Variants in RAB22A observed in about 807,000 individuals in gnomAD.
RAB22A encodes ras-related protein Rab-22A.
RAB22A carries 13 observed loss-of-function variants against 30.2 expected under a neutral mutation model. The observed-to-expected ratio is 0.43, with a 90% CI of 0.28 to 0.68. The LOEUF (loss-of-function observed/expected upper bound fraction) is 0.68, where lower values mean the gene tolerates loss of function less well. Ranked by LOEUF, RAB22A falls within the 30% of genes least tolerant of loss-of-function variation. The probability of loss-of-function intolerance (pLI) is 0.18; values close to 1 mark genes in which losing one functional copy is unlikely to be tolerated. For synonymous variants in RAB22A, 89 were observed against 87.2 expected (o/e 1.02, Z -0.11); for missense variants, 177 against 246.8 (o/e 0.72, Z 1.89).
At chr20:58,352,113 T>G (rs780395014) in intron 3 of RAB22A, among the ~76,000 whole-genome samples, 2 of 152,188 alleles carry the variant, frequency 1.3e-5, no homozygotes, top group African/African-American at 2.4e-5. Context: ...TAGAACTGTT[T>G]GACATCTTAG....
intron 6 of RAB22A, among the ~76,000 whole-genome samples, chr20:58,355,942 G>A (rs114237120): frequency 0.025 from 3,862 of 152,304 alleles, 63 homozygotes; most frequent in African/African-American, 0.044. Context: ...AAGCTAAAAT[G>A]TCTAAGTGTG....
chr20:58,329,410 T>G (rs759798608), intron 2 of RAB22A, among the ~76,000 whole-genome samples: 15 of 152,202 alleles, frequency 9.9e-5, no homozygotes, highest in Non-Finnish European at 2.1e-4. Context: ...GTTTTTTCTT[T>G]CAGCACTTTA....
At chr20:58,347,329 C>A (rs1986967508) in intron 3 of RAB22A, among the ~76,000 whole-genome samples, 1 of 152,106 alleles carries the variant, frequency 6.6e-6, no homozygotes, top group Admixed American at 6.5e-5. Flanking sequence ...CTCAAATGTC[C>A]TGTGAAGCCC....
At chr20:58,313,374 G>A (rs1326949005) in intron 2 of RAB22A, among the ~76,000 whole-genome samples, 1 of 151,754 alleles carries the variant, frequency 6.6e-6, no homozygotes, top group Admixed American at 6.6e-5. Context: ...TTCCTCCTTT[G>A]TGACCAACCC....
intron 3 of RAB22A, among the ~76,000 whole-genome samples, chr20:58,344,757 C>G (rs1986917124): frequency 6.6e-6 from 1 of 152,186 alleles, no homozygotes; most frequent in African/African-American, 2.4e-5. Context: ...TGACAAGAAT[C>G]ATCACAGACA....
chr20:58,348,451 G>A (rs988032493), intron 3 of RAB22A, among the ~76,000 whole-genome samples: 3 of 152,108 alleles, frequency 2.0e-5, no homozygotes, highest in Non-Finnish European at 4.4e-5. Context: ...TAGAATTGGG[G>A]CAGACAGTCC....
In RAB22A at chr20:58,359,640, A is replaced by G. The variant is rs1987192325; in HGVS notation, c.522A>G (p.Pro174=). 6.2e-7 allele frequency: 1 copy of G among 1,612,666 alleles called. No individual in the cohort carries two copies. The highest frequency in any genetic ancestry group is 8.5e-7 in the Non-Finnish European group (1 of 1,178,980). Reference sequence around the variant, plus strand: ...TTCCATCCACTGACGCCAACCTGCCATCTGGCGGTAAGGGCTTCAAACTCC... The same window carrying G: ...TTCCATCCACTGACGCCAACCTGCCGTCTGGCGGTAAGGGCTTCAAACTCC... ...RRIPSTDANL[P]SGGKGFKLRR... Residue 174 remains proline, a synonymous_variant, in exon 7 of 7, where the codon CCA becomes CCG. Transcript: ENST00000244040.
intron 6 of RAB22A, among the ~76,000 whole-genome samples, chr20:58,357,414 GA>G (rs1987150045): frequency 6.6e-6 from 1 of 152,032 alleles, no homozygotes; most frequent in Admixed American, 6.5e-5. Flanking sequence ...GCTTGCCTTT[GA>G]TTTTTTTAGT....
At chr20:58,326,862 A>C (rs1350397731) in intron 2 of RAB22A, among the ~76,000 whole-genome samples, 1 of 152,164 alleles carries the variant, frequency 6.6e-6, no homozygotes, top group Non-Finnish European at 1.5e-5. Context: ...ATACTGAATA[A>C]GTGGTGAGAG....
intron 3 of RAB22A, among the ~76,000 whole-genome samples, chr20:58,348,182 G>A (rs568056801): frequency 5.6e-4 from 85 of 151,996 alleles, no homozygotes; most frequent in African/African-American, 1.9e-3. Flanking sequence ...AGCCGAGATC[G>A]CACCACTGCA....
intron 2 of RAB22A, among the ~76,000 whole-genome samples, chr20:58,321,371 A>C (rs74805496): frequency 6.6e-6 from 1 of 152,108 alleles, no homozygotes; most frequent in South Asian, 2.1e-4. Context: ...TGTCAAAAAA[A>C]AAAAGTCTAT....
At position 58,364,716 on chromosome 20, in the gene RAB22A, A is replaced by G. The variant is rs1181932246; in HGVS notation, c.*5013A>G. 2.0e-5 allele frequency: 3 copies of G among 151,766 alleles called. No homozygotes were observed. Among genetic ancestry groups the G allele is most frequent in the African/African-American group, 7.3e-5 (3 of 41,314 alleles). 9.4% of individuals were successfully genotyped at this position (151,766 alleles called of 1,614,324 possible). ...ATCAGCCAATTAAAAGCCGTAAGAT[A>G]GTAATGATTTTTTTTCTTTTTTTTT... On this transcript the variant is annotated 3_prime_UTR_variant, in exon 7 of 7. Transcript: ENST00000244040.
intron 2 of RAB22A, among the ~76,000 whole-genome samples, chr20:58,325,829 G>A (rs1355310915): frequency 1.3e-5 from 2 of 152,170 alleles, no homozygotes; most frequent in African/African-American, 4.8e-5. Flanking sequence ...TGTTAGTGCT[G>A]TGTTCTCTGA....
intron 2 of RAB22A, among the ~76,000 whole-genome samples, chr20:58,342,345 C>T (rs1986868985): frequency 6.6e-6 from 1 of 152,148 alleles, no homozygotes; most frequent in South Asian, 2.1e-4. Context: ...CCTTCGCTTC[C>T]TAGTCACAGT....
At chr20:58,310,244 C>T (rs1383110736) in intron 1 of RAB22A, among the ~76,000 whole-genome samples, 7 of 152,150 alleles carry the variant, frequency 4.6e-5, no homozygotes, top group Admixed American at 1.3e-4. Context: ...CCCGTGGACT[C>T]TTCCCGCCCC....
chr20:58,358,456 C>T lies in RAB22A; in HGVS notation c.488-1150C>T, dbSNP rs1299749900. ...TTCCACTCCGGGCATTAATCCTACA[C>T]ACATACTCGTAAGTTCAGAAAGATG... On this transcript the variant is annotated intron_variant, in intron 6 of 6. Coordinates refer to ENST00000244040, the MANE Select transcript of RAB22A (RefSeq NM_020673.3). 2.6e-5 allele frequency among the ~76,000 whole-genome samples: 4 copies of T among 152,210 alleles called. No individual in the cohort carries two copies. The South Asian group carries it at 6.2e-4, about 24-fold the overall frequency.
Position 58,309,822 on chromosome 20 carries a change from C to G in RAB22A, c.-155C>G, listed in dbSNP as rs1986182833. ...CCCACGCGGCTGGCAGCGGACAGGC[C>G]GGACCTACGGCCGGAGGACGGGCGG... is the stretch of plus-strand genomic sequence containing the variant. On this transcript the variant is annotated 5_prime_UTR_variant, in exon 1 of 7. Coordinates refer to ENST00000244040, the MANE Select transcript of RAB22A (RefSeq NM_020673.3). The G allele has an allele frequency of 4.6e-6, 3 of 652,438 alleles. No homozygotes were observed. The highest frequency in any genetic ancestry group is 1.9e-5 in the African/African-American group (1 of 52,434). 40.4% of individuals were successfully genotyped at this position (652,438 alleles called of 1,614,324 possible).
At chr20:58,358,439 C>T (rs1002765783) in intron 6 of RAB22A, among the ~76,000 whole-genome samples, 3 of 152,280 alleles carry the variant, frequency 2.0e-5, no homozygotes, top group Non-Finnish European at 4.4e-5. Context: ...TCTTCCACTC[C>T]GGGCATTAAT....
intron 2 of RAB22A, among the ~76,000 whole-genome samples, chr20:58,324,971 T>A (rs1187062615): frequency 1.4e-5 from 2 of 140,420 alleles, no homozygotes; most frequent in Non-Finnish European, 3.0e-5. Context: ...GGTCAGGAGA[T>A]CAAGACCATC....
Sources: allele counts gnomAD v4.1 joint callset (sites outside exome capture counted in the v4.1 genomes callset), GRCh38; gene constraint gnomAD v4.1.1; transcripts MANE v1.5; gene names NCBI Gene and HGNC (gene_info 2026-07-23, HGNC 2026-07-21).